Variants in RSRP1 observed in about 807,000 individuals in gnomAD.
RSRP1 encodes the protein arginine and serine rich protein 1.
A neutral mutation model predicts 33.0 loss-of-function variants in RSRP1; 37 were observed. That is an observed-to-expected ratio of 1.12 (90% CI 0.86 to 1.48). The LOEUF is 1.48. Ranked by LOEUF, RSRP1 falls within the 40% of genes most tolerant of loss-of-function variation. RSRP1 has a pLI of 0.00. For missense variants in RSRP1, 402 were observed against 385.3 expected (o/e 1.04, Z -0.36); for synonymous variants, 167 against 158.7 (o/e 1.05, Z -0.40).
At chr1:25,305,084 G>A (rs1643695094) in intron 1 of RSRP1, among the ~76,000 whole-genome samples, 1 of 132,714 alleles carries the variant, frequency 7.5e-6, no homozygotes, top group African/African-American at 2.6e-5. Flanking sequence ...CAGCAAGAGG[G>A]CACATCTGAG....
rs190825940 is a variant in RSRP1 at position 25,282,436 on chromosome 1, T to C, written c.-66-35407A>G. The stretch of plus-strand genomic sequence containing the variant: ...TTTTAGTAGAGACGGGGTTTCACCA[T>C]GTTGGCCAGGCTAGTCTCGAACTGC... On this transcript the variant is annotated intron_variant, in intron 1 of 1. Transcript: ENST00000561867. 8.4e-3 allele frequency among the ~76,000 whole-genome samples: 1,104 copies of C among 131,054 alleles called. 292 individuals are homozygous for C. The highest frequency in any genetic ancestry group is 0.015 in the Non-Finnish European group (828 of 55,434). The allele number at this position is 131,054 out of a possible 152,430, so 86.0% of individuals were successfully genotyped here.
In RSRP1 at chr1:25,274,124, T is replaced by C. The variant is rs1251560598; in HGVS notation, c.-66-27095A>G. ...GATTAGAGCTGATATTTATGAGCAC[T>C]TACTATGTACCAGGCACTATTCTAC... On this transcript the variant is annotated intron_variant, in intron 1 of 1. Transcript: ENST00000561867. Among the ~76,000 whole-genome samples, 11 of 132,672 alleles carry C rather than the reference T, an allele frequency of 8.3e-5. 1 individual carries two copies. The highest frequency in any genetic ancestry group is 2.8e-4 in the African/African-American group (11 of 38,818). 87.0% of individuals were successfully genotyped at this position (132,672 alleles called of 152,430 possible).
chr1:25,318,966 C>T lies in RSRP1; in HGVS notation c.-67+19012G>A. Among the ~76,000 whole-genome samples, 2 of 133,004 alleles carry T rather than the reference C, an allele frequency of 1.5e-5. 1 individual carries two copies. The highest frequency in any genetic ancestry group is 3.6e-5 in the Non-Finnish European group (2 of 56,058). 87.3% of individuals were successfully genotyped at this position (133,004 alleles called of 152,430 possible). A position where few individuals can be genotyped will look rare whatever the true frequency, so the allele number is the denominator to read the frequency against. On this transcript the variant is annotated intron_variant, in intron 1 of 1. Transcript: ENST00000561867. ...CAGAGTCTTTGTGAAGAAGCAGAGG[C>T]GGAGTAGCGTTAATTCCGTAAGTTA...
rs564306089 is a variant in RSRP1, at chr1:25,288,988, C to T, written c.-66-41959G>A. Among the ~76,000 whole-genome samples, 84 of 134,336 alleles carry T rather than the reference C, an allele frequency of 6.3e-4. 2 individuals are homozygous for T. The highest frequency in any genetic ancestry group is 2.2e-3 in the African/African-American group (84 of 39,060). The allele number at this position is 134,336 out of a possible 152,430, so 88.1% of individuals were successfully genotyped here. A position where few individuals can be genotyped will look rare whatever the true frequency, so the allele number is the denominator to read the frequency against. ...TGACCTTCCCCTAAAGTCCTTGAGG[C>T]TTAAGCGGGCATAGTCTGCAGCAAA... On this transcript the variant is annotated intron_variant, in intron 1 of 1. Transcript: ENST00000561867.
chr1:25,251,892 AT>A (rs58495891), upstream of RSRP1, among the ~76,000 whole-genome samples: 4,258 of 140,894 alleles, frequency 0.03, 132 homozygotes, highest in African/African-American at 0.087. Flanking sequence ...CCACATATAG[AT>A]TTTTTTTTTT....
chr1:25,251,765 G>A (rs1404686868), upstream of RSRP1, among the ~76,000 whole-genome samples: 1 of 152,022 alleles, frequency 6.6e-6, no homozygotes, highest in Non-Finnish European at 1.5e-5. Context: ...ATTCCCTAGA[G>A]GTATAGAATC....
chr1:25,316,553 A>G (rs1364500684), intron 1 of RSRP1, among the ~76,000 whole-genome samples: 1 of 99,102 alleles, frequency 1.0e-5, no homozygotes, highest in African/African-American at 3.2e-5. Flanking sequence ...CAGAGGTTGC[A>G]GTGAGCCGAC....
Position 25,294,083 on chromosome 1 carries a change from T to G in RSRP1, c.-67+43895A>C, listed in dbSNP as rs1358505576. On this transcript the variant is annotated intron_variant, in intron 1 of 1. Transcript: ENST00000561867. The stretch of plus-strand genomic sequence containing the variant: ...ACCAATGGGCTTATCTGTTATTTCT[T>G]CCTTATTGTGAGCTTAATGGCATGA... 4.4e-6 allele frequency: 3 copies of G among 674,966 alleles called. 1 individual carries two copies. Among genetic ancestry groups the G allele is most frequent in the Non-Finnish European group, 8.3e-6 (3 of 361,934 alleles). The allele number at this position is 674,966 out of a possible 1,614,324, so 41.8% of individuals were successfully genotyped here.
Position 25,308,854 on chromosome 1 carries a change from C to A in RSRP1, c.-67+29124G>T, listed in dbSNP as rs191616274. Among the ~76,000 whole-genome samples, 22 of 131,168 alleles carry A rather than the reference C, an allele frequency of 1.7e-4. No individual in the cohort carries two copies. In the East Asian group the frequency reaches 4.1e-3, roughly 25 times the overall value. 86.1% of individuals were successfully genotyped at this position (131,168 alleles called of 152,430 possible). A position where few individuals can be genotyped will look rare whatever the true frequency, so the allele number is the denominator to read the frequency against. ...GGCGTGGGCTTCACCAGTGGTGAAG[C>A]CAGTCATGCAGCCTTAGTCCTGGTA... On this transcript the variant is annotated intron_variant, in intron 1 of 1. Coordinates refer to the RSRP1 transcript ENST00000561867.
chr1:25,318,630 C>T (rs1228506256), intron 1 of RSRP1, among the ~76,000 whole-genome samples: 1 of 132,156 alleles, frequency 7.6e-6, no homozygotes, highest in African/African-American at 2.6e-5. Context: ...GAACTGTTCA[C>T]CTTTATTCTA....
rs866645747 is a variant in RSRP1 at position 25,264,561 on chromosome 1, A to C, written c.-66-17532T>G. ...CAGCATGAGGACCCCGGGCCTGGCC[A>C]ACAAAACCATTTTTTCCTGATACCT... On this transcript the variant is annotated intron_variant, in intron 1 of 1. Transcript: ENST00000561867. Among the ~76,000 whole-genome samples, 13 of 151,320 alleles carry C rather than the reference A, an allele frequency of 8.6e-5. No individual in the cohort carries two copies. In the South Asian group the frequency reaches 1.9e-3, roughly 22 times the overall value.
chr1:25,247,599 A>C (rs1639588162), upstream of RSRP1: 1 of 152,198 alleles, frequency 6.6e-6, no homozygotes, highest in South Asian at 2.1e-4. Context: ...CTGTGCCTCG[A>C]GCGCTTGCCT....
Position 25,287,058 on chromosome 1 carries a change from A to G in RSRP1, c.-66-40029T>C, listed in dbSNP as rs556715425. Among the ~76,000 whole-genome samples, 14 of 135,284 alleles carry G rather than the reference A, an allele frequency of 1.0e-4. No individual in the cohort carries two copies. In the East Asian group the frequency reaches 2.5e-3, roughly 24 times the overall value. 88.8% of individuals were successfully genotyped at this position (135,284 alleles called of 152,430 possible). ...TAGTGAGCCGAGATCGCACCATTGC[A>G]CTGTAGCCTGGGCGACAGAGTGAGG... On this transcript the variant is annotated intron_variant, in intron 1 of 1. Coordinates refer to the RSRP1 transcript ENST00000561867.
chr1:25,331,482 T>C lies in RSRP1; in HGVS notation c.-67+6496A>G, dbSNP rs1478986580. ...TACAAAGATAATTTCGTGATTACTGTCCTTATGCATAAACGTCCTCAGTGT... is the reference window on the plus strand; with the variant it reads ...TACAAAGATAATTTCGTGATTACTGCCCTTATGCATAAACGTCCTCAGTGT... On this transcript the variant is annotated intron_variant, in intron 1 of 1. Transcript: ENST00000561867. Among the ~76,000 whole-genome samples the C allele has an allele frequency of 4.5e-5, 6 of 131,886 alleles. 2 individuals carry two copies. The highest frequency in any genetic ancestry group is 1.1e-4 in the Non-Finnish European group (6 of 55,858). 86.5% of individuals were successfully genotyped at this position (131,886 alleles called of 152,430 possible). A position where few individuals can be genotyped will look rare whatever the true frequency, so the allele number is the denominator to read the frequency against.
rs539931619 is a variant in RSRP1, at chr1:25,293,477, T to C, written c.-67+44501A>G. 1.5e-4 allele frequency among the ~76,000 whole-genome samples: 20 copies of C among 131,746 alleles called. 2 individuals are homozygous for C. The highest frequency in any genetic ancestry group is 4.9e-4 in the African/African-American group (19 of 38,688). The allele number at this position is 131,746 out of a possible 152,430, so 86.4% of individuals were successfully genotyped here. ...TTATAGTTTTATATTTGTGGACAGA[T>C]TGTTTTAGAACAAGTAGAATACATT... On this transcript the variant is annotated intron_variant, in intron 1 of 1. Transcript: ENST00000561867.
intron 1 of RSRP1, among the ~76,000 whole-genome samples, chr1:25,293,288 T>C (rs1642666947): frequency 1.6e-5 from 2 of 128,434 alleles, no homozygotes; most frequent in African/African-American, 5.3e-5. Context: ...AGCCTTTGAG[T>C]TGGAAAGCAG....
rs193190314 is a variant in RSRP1 at position 25,282,358 on chromosome 1, G to A, written c.-66-35329C>T. 2.4e-3 allele frequency among the ~76,000 whole-genome samples: 318 copies of A among 131,018 alleles called. 51 individuals carry two copies. Among genetic ancestry groups the A allele is most frequent in the African/African-American group, 7.6e-3 (292 of 38,478 alleles). The allele number at this position is 131,018 out of a possible 152,430, so 86.0% of individuals were successfully genotyped here. ...CAAGCGATTCTCCTGCCTGCCTCCC[G>A]AGTAGCTGGGATTACAGGTGCCCAC... On this transcript the variant is annotated intron_variant, in intron 1 of 1. Coordinates refer to the RSRP1 transcript ENST00000561867.
intron 1 of RSRP1, among the ~76,000 whole-genome samples, chr1:25,257,936 T>C (rs1639999290): frequency 1.3e-5 from 2 of 152,070 alleles, no homozygotes; most frequent in Middle Eastern, 3.4e-3. Flanking sequence ...GAGGCAGACT[T>C]TGGGGAGCCA....
At chr1:25,261,705 ATTTTTTT>A (rs376795548) in intron 1 of RSRP1, among the ~76,000 whole-genome samples, 4 of 93,684 alleles carry the variant, frequency 4.3e-5, no homozygotes, top group African/African-American at 1.8e-4. Context: ...CGCCCAGCAG[ATTTTTTT>A]TTTTTTTTTT....
Sources: gnomAD v4.1 joint callset for allele counts (sites outside exome capture counted in the v4.1 genomes callset) on GRCh38, gnomAD v4.1.1 for gene constraint, MANE v1.5 for transcripts, NCBI Gene and HGNC (gene_info 2026-07-23, HGNC 2026-07-21) for gene names.